GREB1L: variants seen among roughly 807,000 people sequenced by gnomAD.
The protein encoded by GREB1L is GREB1-like protein.
GREB1L carries 17 observed loss-of-function variants against 200.8 expected under a neutral mutation model. That is an observed-to-expected ratio of 0.08 (90% confidence interval 0.06 to 0.13). The LOEUF (loss-of-function observed/expected upper bound fraction) is 0.13. Among genes scored for constraint, GREB1L ranks in the 10% least tolerant of loss-of-function variants. The pLI is 1.00. For missense variants in GREB1L, 1,657 were observed against 2,367.7 expected (o/e 0.70, Z 6.23); for synonymous variants, 789 against 893.0 (o/e 0.88, Z 2.08).
intron 27 of GREB1L, among the ~76,000 whole-genome samples, chr18:21,513,300 A>G (rs1441331937): frequency 6.6e-6 from 1 of 152,176 alleles, no homozygotes; most frequent in East Asian, 1.9e-4. Flanking sequence ...GTCTTCTTCA[A>G]AGAAGCTGCC....
chr18:21,428,196 CAAAAAAAAAAAAAAAAA>C (rs60750456), intron 7 of GREB1L, among the ~76,000 whole-genome samples: 4 of 48,170 alleles, frequency 8.3e-5, no homozygotes, highest in Admixed American at 5.9e-4. Flanking sequence ...GACTCCGTCT[CAAAAAAAAAAAAAAAAA>C]AAAAAAAAAA....
chr18:21,318,105 C>CAAAAA (rs61304976), intron 1 of GREB1L, among the ~76,000 whole-genome samples: 3 of 89,666 alleles, frequency 3.3e-5, no homozygotes, highest in Non-Finnish European at 4.8e-5. Context: ...GAGATTCCGT[C>CAAAAA]AAAAAAAAAA....
rs1353518389 is a variant in GREB1L, at chr18:21,395,238, C to T, written c.356-147C>T. The stretch of plus-strand genomic sequence containing the variant: ...AGAGGGCCACACTTGGCAGATTTGT[C>T]TTCTGGTTGGAGTATAGGGGTATAG... On this transcript the variant is annotated intron_variant, in intron 4 of 32. Transcript: ENST00000424526. 53 of 553,252 alleles carry T rather than the reference C, an allele frequency of 9.6e-5. No individual in the cohort carries two copies. In the East Asian group the frequency reaches 1.8e-3, roughly 18 times the overall value. The allele number at this position is 553,252 out of a possible 1,614,324, so 34.3% of individuals were successfully genotyped here. A position where few individuals can be genotyped will look rare whatever the true frequency, so the allele number is the denominator to read the frequency against.
rs1309538220 is a variant in GREB1L at position 21,449,565 on chromosome 18, G to T, written c.1449G>T (p.Met483Ile). ...TTGAGCAAATTATGCTGAAAGCTAT[G>T]CAAGAATTTACTCTGAGAGAAAGAG... The part of the protein sequence containing the change: ...EEFEQIMLKA[M>I]QEFTLRERAL... The change falls in exon 12 of 33, where the codon ATG becomes ATT. Residue 483 changes from methionine (M) to isoleucine (I), a missense_variant. Coordinates refer to ENST00000424526, the MANE Select transcript of GREB1L (RefSeq NM_001142966.3). 5 of 1,551,254 alleles carry T rather than the reference G, an allele frequency of 3.2e-6. No homozygotes were observed. The highest frequency in any genetic ancestry group is 4.4e-6 in the Non-Finnish European group (5 of 1,146,862).
At chr18:21,315,923 A>G (rs2038860795) in intron 1 of GREB1L, among the ~76,000 whole-genome samples, 1 of 152,238 alleles carries the variant, frequency 6.6e-6, no homozygotes, top group South Asian at 2.1e-4. Flanking sequence ...ATCGAAGTCC[A>G]TCAACACTCT....
At chr18:21,415,066 C>CCAGAGCAGCTAGAGTTCA (rs1252843924) in intron 7 of GREB1L, among the ~76,000 whole-genome samples, 3 of 152,084 alleles carry the variant, frequency 2.0e-5, no homozygotes, top group Non-Finnish European at 2.9e-5. Flanking sequence ...AGAGGGGAGA[C>CCAGAGCAGCTAGAGTTCA]CAGAGCAGCT....
At chr18:21,497,814 C>CG (rs1473033347) in intron 21 of GREB1L, among the ~76,000 whole-genome samples, 1 of 122,652 alleles carries the variant, frequency 8.2e-6, no homozygotes, top group Middle Eastern at 3.8e-3. Context: ...CCTCACCACC[C>CG]CCCCCCCTTT....
At chr18:21,479,239 A>G (rs1421811611) in intron 17 of GREB1L, among the ~76,000 whole-genome samples, 1 of 152,094 alleles carries the variant, frequency 6.6e-6, no homozygotes, top group Non-Finnish European at 1.5e-5. Flanking sequence ...TTAAATTTCG[A>G]TATATTGGAG....
intron 15 of GREB1L, among the ~76,000 whole-genome samples, chr18:21,458,264 C>T (rs1344061671): frequency 6.6e-6 from 1 of 152,126 alleles, no homozygotes; most frequent in Non-Finnish European, 1.5e-5. Flanking sequence ...AGCCACCGCG[C>T]CCGGCCCAAG....
intron 17 of GREB1L, among the ~76,000 whole-genome samples, chr18:21,483,972 C>CAAAAA (rs67820386): frequency 1.2e-5 from 1 of 84,750 alleles, no homozygotes; most frequent in Admixed American, 1.5e-4. Context: ...TGAGACTCCT[C>CAAAAA]AAAAAAAAAG....
At chr18:21,482,203 A>G (rs562077147) in intron 17 of GREB1L, among the ~76,000 whole-genome samples, 2 of 152,068 alleles carry the variant, frequency 1.3e-5, no homozygotes, top group East Asian at 3.9e-4. Context: ...GAAGAACCAG[A>G]AATATTTTTG....
intron 15 of GREB1L, among the ~76,000 whole-genome samples, chr18:21,467,772 C>T (rs1179781381): frequency 6.6e-6 from 1 of 152,130 alleles, no homozygotes; most frequent in African/African-American, 2.4e-5. Flanking sequence ...CACCTGTAAT[C>T]CCAGCACTTT....
At chr18:21,320,952 A>G (rs1279550814) in intron 1 of GREB1L, among the ~76,000 whole-genome samples, 2 of 152,210 alleles carry the variant, frequency 1.3e-5, no homozygotes, top group East Asian at 1.9e-4. Flanking sequence ...TGATATTTGC[A>G]TAACTACTGT....
At chr18:21,467,601 T>C (rs1315766642) in intron 15 of GREB1L, among the ~76,000 whole-genome samples, 1 of 152,178 alleles carries the variant, frequency 6.6e-6, no homozygotes, top group African/African-American at 2.4e-5. Context: ...TTGTTGAATA[T>C]GTGGAGAAGT....
chr18:21,291,569 C>G (rs780942860), intron 1 of GREB1L, among the ~76,000 whole-genome samples: 1 of 152,082 alleles, frequency 6.6e-6, no homozygotes. Context: ...TTCCTTTATA[C>G]TATTAAAAGA....
intron 7 of GREB1L, among the ~76,000 whole-genome samples, chr18:21,410,823 TG>T (rs1006761817): frequency 2.2e-4 from 34 of 151,406 alleles, no homozygotes; most frequent in Admixed American, 6.6e-4. Context: ...AGAATACTTA[TG>T]GGCCAGGCAC....
chr18:21,489,474 G>T (rs559509005), intron 18 of GREB1L, among the ~76,000 whole-genome samples: 1 of 152,300 alleles, frequency 6.6e-6, no homozygotes, highest in East Asian at 1.9e-4. Flanking sequence ...TAATGCCTCA[G>T]TTTCCTGTAT....
At chr18:21,270,224 A>G (rs1430116873) in intron 1 of GREB1L, among the ~76,000 whole-genome samples, 3 of 152,238 alleles carry the variant, frequency 2.0e-5, no homozygotes, top group Non-Finnish European at 4.4e-5. Flanking sequence ...ACAAAGTGAA[A>G]AAGGGGACAT....
chr18:21,366,121 T>A lies in GREB1L; in HGVS notation c.-25T>A, dbSNP rs1271167210. ...AATCATGACTGTGATTCAAAAATGT[T>A]AATAAATAAACCAAGGTATTGTACA... On this transcript the variant is annotated 5_prime_UTR_variant, in exon 2 of 33. It removes the in-frame stop codon of an upstream open reading frame in the 5' UTR. Coordinates refer to ENST00000424526, the MANE Select transcript of GREB1L (RefSeq NM_001142966.3). 1 of 152,200 alleles carries A rather than the reference T, an allele frequency of 6.6e-6. No homozygotes were observed. The highest frequency in any genetic ancestry group is 1.5e-5 in the Non-Finnish European group (1 of 68,024). The allele number at this position is 152,200 out of a possible 1,614,324, so 9.4% of individuals were successfully genotyped here. A position where few individuals can be genotyped will look rare whatever the true frequency, so the allele number is the denominator to read the frequency against.
Sources: gnomAD v4.1 joint callset for allele counts (sites outside exome capture counted in the v4.1 genomes callset) on GRCh38, gnomAD v4.1.1 for gene constraint, MANE v1.5 for transcripts, NCBI Gene and HGNC (gene_info 2026-07-23, HGNC 2026-07-21) for gene names.